MRTFA: variants seen among roughly 807,000 people sequenced by gnomAD.
MRTFA encodes the protein myocardin related transcription factor A, also known as myocardin-related transcription factor A.
MRTFA carries 20 observed loss-of-function variants against 83.5 expected under a neutral mutation model. That is an observed-to-expected ratio of 0.24 (90% CI 0.17 to 0.35). The LOEUF is 0.35. MRTFA is among the 10% of genes least tolerant of loss of function. The pLI is 1.00. For synonymous variants in MRTFA, 659 were observed against 541.2 expected, an observed-to-expected ratio of 1.22 and a Z score of -3.02; for missense variants, 1,200 against 1,224.7, an observed-to-expected ratio of 0.98 and a Z score of 0.30.
chr22:40,547,881 A>AT (rs1193668786), intron 3 of MRTFA, among the ~76,000 whole-genome samples: 1 of 151,648 alleles, frequency 6.6e-6, no homozygotes, highest in Non-Finnish European at 1.5e-5. Flanking sequence ...AGAAAAAGAA[A>AT]TGATGTCAGA....
chr22:40,457,485 AGAAG>A (rs755297714), intron 4 of MRTFA, among the ~76,000 whole-genome samples: 2,392 of 133,298 alleles, frequency 0.018, 38 homozygotes, highest in East Asian at 0.045. Context: ...AAAGAAAGAA[AGAAG>A]GAAAGAAAGA....
intron 1 of MRTFA, among the ~76,000 whole-genome samples, chr22:40,602,808 T>C (rs564740312): frequency 3.9e-5 from 6 of 152,112 alleles, no homozygotes; most frequent in African/African-American, 1.2e-4. Context: ...GATCACACTA[T>C]TGCACTCCAG....
At chr22:40,627,877 T>C (rs1439467357) in intron 1 of MRTFA, among the ~76,000 whole-genome samples, 1 of 152,088 alleles carries the variant, frequency 6.6e-6, no homozygotes, top group Non-Finnish European at 1.5e-5. Context: ...GGAGAACTGC[T>C]TCAGCAGTTT....
At chr22:40,475,332 G>T (rs1298967732) in intron 3 of MRTFA, among the ~76,000 whole-genome samples, 3 of 151,756 alleles carry the variant, frequency 2.0e-5, no homozygotes, top group Non-Finnish European at 4.4e-5. Context: ...GAGGTCAGGA[G>T]TTCGAGACCA....
At chr22:40,509,162 A>AACAACTATAC (rs2054628523) in intron 3 of MRTFA, among the ~76,000 whole-genome samples, 1 of 152,196 alleles carries the variant, frequency 6.6e-6, no homozygotes, top group Admixed American at 6.5e-5. Flanking sequence ...CATACTGGCA[A>AACAACTATAC]ACAACTATAC....
At chr22:40,464,842 C>G (rs866230303) in intron 3 of MRTFA, among the ~76,000 whole-genome samples, 46 of 152,274 alleles carry the variant, frequency 3.0e-4, no homozygotes, top group South Asian at 8.3e-4. Context: ...ATATCACTAT[C>G]TTTCCCAGTA....
At chr22:40,599,611 A>G (rs779277308) in intron 1 of MRTFA, among the ~76,000 whole-genome samples, 5 of 152,136 alleles carry the variant, frequency 3.3e-5, no homozygotes, top group Non-Finnish European at 7.4e-5. Flanking sequence ...GATAAAAGGA[A>G]AGTTGCCAGG....
chr22:40,547,408 G>A (rs1399784973), intron 3 of MRTFA, among the ~76,000 whole-genome samples: 2 of 152,034 alleles, frequency 1.3e-5, no homozygotes, highest in Non-Finnish European at 2.9e-5. Context: ...AAGACAAGCA[G>A]GGAAGGCCTC....
intron 3 of MRTFA, among the ~76,000 whole-genome samples, chr22:40,547,853 CAAAAAAA>C (rs1056609474): frequency 1.2e-3 from 64 of 51,266 alleles, no homozygotes; most frequent in Non-Finnish European, 2.3e-3. Flanking sequence ...GACTGTCTCC[CAAAAAAA>C]AAAAAAAAAA....
At chr22:40,431,031 A>G (rs1051365690) in intron 6 of MRTFA, among the ~76,000 whole-genome samples, 1 of 152,176 alleles carries the variant, frequency 6.6e-6, no homozygotes, top group Non-Finnish European at 1.5e-5. Context: ...TAAAAAACTA[A>G]GTAAGTGTAT....
chr22:40,609,892 T>C (rs2056365600), intron 1 of MRTFA, among the ~76,000 whole-genome samples: 1 of 152,134 alleles, frequency 6.6e-6, no homozygotes, highest in Non-Finnish European at 1.5e-5. Context: ...GAAAGGCAGA[T>C]AAACGTATGT....
chr22:40,628,677 A>G (rs1241035022), intron 1 of MRTFA, among the ~76,000 whole-genome samples: 1 of 152,180 alleles, frequency 6.6e-6, no homozygotes, highest in Non-Finnish European at 1.5e-5. Context: ...AGACATTTTC[A>G]CAACGCTCTT....
chr22:40,627,829 C>T (rs1202538551), intron 1 of MRTFA, among the ~76,000 whole-genome samples: 1 of 152,102 alleles, frequency 6.6e-6, no homozygotes, highest in Non-Finnish European at 1.5e-5. Flanking sequence ...AAAATTTAGC[C>T]GGGCATGATG....
chr22:40,527,805 C>CA (rs1348625594), intron 3 of MRTFA, among the ~76,000 whole-genome samples: 4 of 149,588 alleles, frequency 2.7e-5, no homozygotes, highest in African/African-American at 7.4e-5. Context: ...AGTGAAGTTC[C>CA]AAAAAAACAA....
intron 3 of MRTFA, among the ~76,000 whole-genome samples, chr22:40,500,577 T>C (rs2054449079): frequency 6.6e-6 from 1 of 151,984 alleles, no homozygotes; most frequent in Admixed American, 6.6e-5. Flanking sequence ...TACTTGCGAT[T>C]AGGGATTGGT....
At chr22:40,492,240 A>G (rs1743868838) in intron 3 of MRTFA, among the ~76,000 whole-genome samples, 1 of 152,214 alleles carries the variant, frequency 6.6e-6, no homozygotes, top group South Asian at 2.1e-4. Context: ...TCTTTAAGTT[A>G]AAGTGGGCAC....
chr22:40,560,615 A>G (rs535914530), intron 2 of MRTFA, among the ~76,000 whole-genome samples: 1 of 152,306 alleles, frequency 6.6e-6, no homozygotes, highest in Non-Finnish European at 1.5e-5. Context: ...TAGAGTTGTA[A>G]TTTATAACTC....
chr22:40,548,454 G>C (rs942579175), intron 3 of MRTFA, among the ~76,000 whole-genome samples: 1 of 151,772 alleles, frequency 6.6e-6, no homozygotes. Flanking sequence ...AGAAGAGTGA[G>C]AGAGAGAAAG....
intron 1 of MRTFA, among the ~76,000 whole-genome samples, chr22:40,615,028 G>A (rs892516658): frequency 6.6e-6 from 1 of 151,664 alleles, no homozygotes; most frequent in African/African-American, 2.4e-5. Flanking sequence ...TTTATGGTGA[G>A]TGCTCCTTAC....
Sources: gnomAD v4.1 joint callset for allele counts (sites outside exome capture counted in the v4.1 genomes callset) on GRCh38, gnomAD v4.1.1 for gene constraint, MANE v1.5 for transcripts, NCBI Gene and HGNC (gene_info 2026-07-23, HGNC 2026-07-21) for gene names.